Variants in TMEM232 observed in about 807,000 individuals in gnomAD.
TMEM232 encodes transmembrane protein 232.
In TMEM232, 80 loss-of-function variants were observed where a neutral mutation model predicts 78.8. The ratio of observed to expected loss-of-function variants is 1.01; its 90% CI spans 0.85 to 1.22. The LOEUF is 1.22. Ranked by LOEUF, TMEM232 falls within the 50% of genes most tolerant of loss-of-function variation. The pLI, the probability that TMEM232 is intolerant of heterozygous loss-of-function variation, is 0.00. For synonymous variants in TMEM232, 297 were observed against 254.3 expected (o/e 1.17, Z -1.60); for missense variants, 881 against 742.2 (o/e 1.19, Z -2.17).
intron 12 of TMEM232, among the ~76,000 whole-genome samples, chr5:110,476,344 G>C (rs1200970297): frequency 6.6e-6 from 1 of 151,926 alleles, no homozygotes; most frequent in Non-Finnish European, 1.5e-5. Flanking sequence ...TGAGCACAGA[G>C]AAAAGGACCT....
At chr5:110,589,083 A>G (rs1225012301) in intron 10 of TMEM232, among the ~76,000 whole-genome samples, 1 of 152,144 alleles carries the variant, frequency 6.6e-6, no homozygotes, top group Non-Finnish European at 1.5e-5. Context: ...AATTTGAAAG[A>G]TAGAACACAA....
intron 12 of TMEM232, among the ~76,000 whole-genome samples, chr5:110,468,291 T>C (rs1762306634): frequency 6.7e-6 from 1 of 149,378 alleles, no homozygotes; most frequent in Non-Finnish European, 1.5e-5. Context: ...TATAAGAGCA[T>C]AAAATAATGT....
chr5:110,493,692 G>A (rs1765349438), intron 12 of TMEM232, among the ~76,000 whole-genome samples: 1 of 151,972 alleles, frequency 6.6e-6, no homozygotes, highest in South Asian at 2.1e-4. Flanking sequence ...TTAAATATGA[G>A]CAGCAAACTT....
At chr5:110,531,382 CCT>C (rs957113346) in intron 11 of TMEM232, among the ~76,000 whole-genome samples, 23 of 152,318 alleles carry the variant, frequency 1.5e-4, no homozygotes, top group African/African-American at 5.3e-4. Flanking sequence ...AGATCAATCC[CCT>C]GTCCTCCTGC....
At chr5:110,397,864 G>A (rs1325338069) in intron 2 of TMEM232, 1 of 152,550 alleles carries the variant, frequency 6.6e-6, no homozygotes, top group African/African-American at 2.4e-5. Context: ...TCTGGAGTAA[G>A]AGGAAATTAT....
At chr5:110,570,822 A>T (rs181336586) in intron 10 of TMEM232, among the ~76,000 whole-genome samples, 10 of 152,094 alleles carry the variant, frequency 6.6e-5, no homozygotes, top group Admixed American at 2.6e-4. Context: ...ATTTGTCCCT[A>T]TGTAAATTCC....
At chr5:110,658,751 C>A (rs1038737186) in intron 2 of TMEM232, among the ~76,000 whole-genome samples, 4 of 152,062 alleles carry the variant, frequency 2.6e-5, no homozygotes, top group Non-Finnish European at 5.9e-5. Context: ...TAGGCATAGG[C>A]AACAATACCC....
At chr5:110,571,753 G>A (rs985977856) in intron 10 of TMEM232, among the ~76,000 whole-genome samples, 1 of 151,680 alleles carries the variant, frequency 6.6e-6, no homozygotes, top group African/African-American at 2.4e-5. Flanking sequence ...AGGTACTCAG[G>A]AGGCTGTGTT....
chr5:110,679,327 T>C (rs923253982), intron 1 of TMEM232, among the ~76,000 whole-genome samples: 1 of 152,364 alleles, frequency 6.6e-6, no homozygotes, highest in Non-Finnish European at 1.5e-5. Context: ...TATTTCATCT[T>C]TGTTGAGGTG....
At chr5:110,491,856 C>T (rs1031160020) in intron 12 of TMEM232, among the ~76,000 whole-genome samples, 1 of 151,158 alleles carries the variant, frequency 6.6e-6, no homozygotes, top group Non-Finnish European at 1.5e-5. Flanking sequence ...GTAAGTAATA[C>T]TATGAAGGAA....
chr5:110,623,186 C>T (rs368941769), intron 7 of TMEM232, among the ~76,000 whole-genome samples: 3 of 152,080 alleles, frequency 2.0e-5, no homozygotes, highest in African/African-American at 2.4e-5. Flanking sequence ...AAATGGGGTC[C>T]AACAGCAGAC....
At chr5:110,559,680 T>A (rs1184702146) in intron 11 of TMEM232, among the ~76,000 whole-genome samples, 1 of 152,160 alleles carries the variant, frequency 6.6e-6, no homozygotes, top group Non-Finnish European at 1.5e-5. Context: ...TTTTTCAGTA[T>A]TGGTAAGGAT....
intron 1 of TMEM232, among the ~76,000 whole-genome samples, chr5:110,696,149 A>G (rs1794755024): frequency 6.6e-6 from 1 of 152,252 alleles, no homozygotes; most frequent in Non-Finnish European, 1.5e-5. Context: ...CTGGTTCACC[A>G]TACGAAAATC....
At chr5:110,514,108 T>G (rs1768217569) in intron 12 of TMEM232, among the ~76,000 whole-genome samples, 1 of 152,186 alleles carries the variant, frequency 6.6e-6, no homozygotes, top group Admixed American at 6.5e-5. Flanking sequence ...GTTCTTTATT[T>G]CTGTGCAGCT....
At chr5:110,650,221 T>C (rs1409936213) in intron 2 of TMEM232, among the ~76,000 whole-genome samples, 1 of 152,076 alleles carries the variant, frequency 6.6e-6, no homozygotes, top group Non-Finnish European at 1.5e-5. Context: ...CTTTATAATG[T>C]CTGGGATTTC....
At chr5:110,576,540 T>C (rs1365160637) in intron 10 of TMEM232, among the ~76,000 whole-genome samples, 1 of 151,914 alleles carries the variant, frequency 6.6e-6, no homozygotes, top group Non-Finnish European at 1.5e-5. Flanking sequence ...ACTGAAAATC[T>C]ATATGGAATA....
chr5:110,605,954 A>G (rs371038963), intron 9 of TMEM232, among the ~76,000 whole-genome samples: 1 of 152,076 alleles, frequency 6.6e-6, no homozygotes, highest in East Asian at 1.9e-4. Context: ...AACTTACCCC[A>G]ACCAAAATAT....
At chr5:110,724,385 G>A (rs1797958229) in intron 1 of TMEM232, among the ~76,000 whole-genome samples, 1 of 152,130 alleles carries the variant, frequency 6.6e-6, no homozygotes, top group African/African-American at 2.4e-5. Context: ...TGGGCACCCA[G>A]CTCAAAGACG....
chr5:110,697,907 T>C (rs1312803222), intron 1 of TMEM232, among the ~76,000 whole-genome samples: 7 of 152,132 alleles, frequency 4.6e-5, no homozygotes, highest in Admixed American at 2.6e-4. Flanking sequence ...GAACTAGAAA[T>C]ACCATTTGAC....
Sources: gnomAD v4.1 joint callset for allele counts (sites outside exome capture counted in the v4.1 genomes callset) on GRCh38, gnomAD v4.1.1 for gene constraint, MANE v1.5 for transcripts, NCBI Gene and HGNC (gene_info 2026-07-23, HGNC 2026-07-21) for gene names.